The following PSMD10 variants were observed in gnomAD, a reference collection of about 807,000 sequenced individuals.
PSMD10 encodes the protein 26S proteasome non-ATPase regulatory subunit 10.
A neutral mutation model predicts 13.2 loss-of-function variants in PSMD10; 2 were observed. That is an observed-to-expected ratio of 0.15 (90% CI 0.06 to 0.48). The LOEUF is 0.48. Among genes scored for constraint, PSMD10 ranks in the 20% least tolerant of loss-of-function variants. PSMD10 has a pLI of 0.97. For synonymous variants in PSMD10, 66 were observed against 64.4 expected (o/e 1.03, Z -0.12); for missense variants, 120 against 167.4 (o/e 0.72, Z 1.56).
At chrX:108,088,275 A>T (rs897030572) in intron 2 of PSMD10, among the ~76,000 whole-genome samples, 176 bp from the exon 3 acceptor site, 2 of 112,294 alleles carry the variant, frequency 1.8e-5, no homozygotes, top group African/African-American at 6.5e-5. Context: ...CATTAGAATA[A>T]ATCTCTTTAT....
chrX:108,085,389 C>T (rs2031484416), intron 4 of PSMD10, among the ~76,000 whole-genome samples: 1 of 112,329 alleles, frequency 8.9e-6, no homozygotes, highest in African/African-American at 3.2e-5. Context: ...GCCTAAGGAA[C>T]AACTTTCTCA....
chrX:108,088,129 A>G lies in PSMD10; in HGVS notation c.214-30T>C, dbSNP rs1211866684. On this transcript the variant is annotated intron_variant, in intron 2 of 4. Transcript: ENST00000217958. ...AAAAGAAGTAGGTAGTAGAAATACC[A>G]GGGGAAAAAGGCACAAGGATTAGTG... 6.0e-6 allele frequency: 7 copies of G among 1,165,526 alleles called. No homozygotes were observed. In the African/African-American group the frequency reaches 1.3e-4, roughly 21 times the overall value.
chrX:108,088,699 G>A (rs2031527884), intron 2 of PSMD10, 53 bp downstream of exon 2: 2 of 991,645 alleles, frequency 2.0e-6, no homozygotes, highest in Non-Finnish European at 2.8e-6. Flanking sequence ...ACACCAGTCT[G>A]GAGTACAAAG....
At chrX:108,085,937 C>A (rs1333906504) in intron 4 of PSMD10, among the ~76,000 whole-genome samples, 1 of 111,868 alleles carries the variant, frequency 8.9e-6, no homozygotes, top group Non-Finnish European at 1.9e-5. Flanking sequence ...CGTCCCAGTA[C>A]TCTATCTTGT....
intron 3 of PSMD10, 21 bp from the exon 4 acceptor site, chrX:108,087,873 G>A: frequency 1.7e-6 from 2 of 1,211,713 alleles, no homozygotes; most frequent in Non-Finnish European, 1.1e-6. Context: ...GGAGAAGAAA[G>A]AAGAAAACAA....
At chrX:108,087,908 T>C (rs2147941946) in intron 3 of PSMD10, 45 bp downstream of exon 3, 2 of 1,211,878 alleles carry the variant, frequency 1.7e-6, no homozygotes, top group South Asian at 3.5e-5. Context: ...TGTGTTTGTA[T>C]ACACGTTTAG....
chrX:108,087,529 T>C (rs1446517111), intron 4 of PSMD10, 157 bp downstream of exon 4: 3 of 744,804 alleles, frequency 4.0e-6, no homozygotes, highest in Non-Finnish European at 3.7e-6. Context: ...GGCAAGATAA[T>C]AGGCAATTTT....
intron 4 of PSMD10, 77 bp downstream of exon 4, chrX:108,087,609 A>C (rs1231134660): frequency 5.3e-6 from 6 of 1,123,531 alleles, no homozygotes; most frequent in Non-Finnish European, 7.1e-6. Flanking sequence ...CAGAATAAAA[A>C]AAGAAATGAT....
At position 108,091,407 on chromosome X, in the gene PSMD10, C is replaced by G. The variant is rs2031614235; in HGVS notation, c.114G>C (p.Gln38His). The stretch of plus-strand genomic sequence containing the variant: ...GCGGAGAGACCTAGCGTTGCTTTAC[C>G]TGGTCAGTTCTAGTAGCCAGGGATT... ...ADKSLATRTDQDSRTALHWAC... is the reference protein window; with the variant it reads ...ADKSLATRTDHDSRTALHWAC... The change falls in exon 1 of 5, where the codon CAG becomes CAC. Residue 38 changes from glutamine (Q) to histidine (H), a missense_variant and splice_region_variant. This residue lies in a region of PSMD10 where 68 missense variants were observed against 124.8 expected (regional missense o/e 0.54). Transcript: ENST00000217958. The G allele has an allele frequency of 8.3e-7, 1 of 1,208,752 alleles. No homozygotes were observed. Among genetic ancestry groups the G allele is most frequent in the Non-Finnish European group, 1.1e-6 (1 of 893,041 alleles).
At chrX:108,088,151 A>T (rs753629353) in intron 2 of PSMD10, 52 bp from the exon 3 acceptor site, 1 of 1,116,192 alleles carries the variant, frequency 9.0e-7, no homozygotes, top group South Asian at 2.0e-5. Context: ...CACAAGGATT[A>T]GTGCTAACAT....
chrX:108,089,226 C>T (rs904300781), intron 1 of PSMD10, among the ~76,000 whole-genome samples: 2 of 111,947 alleles, frequency 1.8e-5, no homozygotes, highest in Non-Finnish European at 3.8e-5. Flanking sequence ...TCCTACCATT[C>T]TACACAGTGC....
rs992245202 is a variant in PSMD10 at position 108,084,851 on chromosome X, A to G, written c.*123T>C. 7.3e-6 allele frequency: 6 copies of G among 818,223 alleles called. No individual in the cohort carries two copies. Among genetic ancestry groups the G allele is most frequent in the African/African-American group, 6.4e-5 (3 of 47,085 alleles). The allele number at this position is 818,223 out of a possible 1,213,427, so 67.4% of individuals were successfully genotyped here. ...AGCAGGAACAAGAGTCAACATGTTT[A>G]TAAGACTTTGAAGGTGAGAAAACTT... On this transcript the variant is annotated 3_prime_UTR_variant, in exon 5 of 5. Coordinates refer to ENST00000217958, the MANE Select transcript of PSMD10 (RefSeq NM_002814.4).
Position 108,086,371 on chromosome X carries a change from T to C in PSMD10, c.528-1244A>G, listed in dbSNP as rs1490172670. On this transcript the variant is annotated intron_variant, in intron 4 of 4. Coordinates refer to ENST00000217958, the MANE Select transcript of PSMD10 (RefSeq NM_002814.4). ...AATAAAAGACGGGTGAATATTTAACTAATTTCAGGGTAAGGAAGAGCTTTC... is the reference window on the plus strand; with the variant it reads ...AATAAAAGACGGGTGAATATTTAACCAATTTCAGGGTAAGGAAGAGCTTTC... 2.7e-5 allele frequency among the ~76,000 whole-genome samples: 3 copies of C among 112,552 alleles called. No individual in the cohort carries two copies. In the East Asian group the frequency reaches 8.4e-4, roughly 31 times the overall value.
chrX:108,084,847 G>A lies in PSMD10; in HGVS notation c.*127C>T, dbSNP rs1395028432. 2 of 796,575 alleles carry A rather than the reference G, an allele frequency of 2.5e-6. No homozygotes were observed. The highest frequency in any genetic ancestry group is 3.4e-6 in the Non-Finnish European group (2 of 580,135). The allele number at this position is 796,575 out of a possible 1,213,427, so 65.6% of individuals were successfully genotyped here. The stretch of plus-strand genomic sequence containing the variant: ...ACTCAGCAGGAACAAGAGTCAACAT[G>A]TTTATAAGACTTTGAAGGTGAGAAA... On this transcript the variant is annotated 3_prime_UTR_variant, in exon 5 of 5. Transcript: ENST00000217958.
intron 4 of PSMD10, chrX:108,087,221 C>A (rs1450176733): frequency 8.9e-6 from 1 of 112,274 alleles, no homozygotes; most frequent in Non-Finnish European, 1.9e-5. Context: ...AGCCATTATG[C>A]CTGGCTCAAT....
rs1331563010 is a variant in PSMD10, at chrX:108,091,534, CA to C, written c.-15del. The C allele has an allele frequency of 2.2e-5, 26 of 1,200,293 alleles. No homozygotes were observed. Among genetic ancestry groups the C allele is most frequent in the Non-Finnish European group, 2.9e-5 (26 of 884,469 alleles). On this transcript the variant is annotated 5_prime_UTR_variant, in exon 1 of 5. Coordinates refer to ENST00000217958, the MANE Select transcript of PSMD10 (RefSeq NM_002814.4). ...ACACCCCTCCATTTCGCTGTCCCAG[CA>C]ACTACTTGTCGCGCGAGCAACGCCC...
chrX:108,090,520 TTGAG>T (rs2031576816), intron 1 of PSMD10, among the ~76,000 whole-genome samples: 2 of 111,915 alleles, frequency 1.8e-5, no homozygotes, highest in South Asian at 7.5e-4. Flanking sequence ...CATTTTCAGG[TTGAG>T]TAATAAAGGA....
chrX:108,090,353 T>C, intron 1 of PSMD10, among the ~76,000 whole-genome samples: 1 of 112,026 alleles, frequency 8.9e-6, no homozygotes, highest in East Asian at 2.8e-4. Context: ...CGTCTCTTGA[T>C]GCTGAATAGT....
Position 108,084,942 on chromosome X carries a change from C to A in PSMD10, c.*32G>T. The A allele has an allele frequency of 8.6e-7, 1 of 1,165,727 alleles. No individual in the cohort carries two copies. The highest frequency in any genetic ancestry group is 1.1e-6 in the Non-Finnish European group (1 of 872,291). ...TTGTAGGACACTGGGGACAACAACACAACATACAAAGTAAGAATAAATCCA... is the reference window on the plus strand; with the variant it reads ...TTGTAGGACACTGGGGACAACAACAAAACATACAAAGTAAGAATAAATCCA... On this transcript the variant is annotated 3_prime_UTR_variant, in exon 5 of 5. Coordinates refer to ENST00000217958, the MANE Select transcript of PSMD10 (RefSeq NM_002814.4).
Sources: allele counts gnomAD v4.1 joint callset (sites outside exome capture counted in the v4.1 genomes callset), GRCh38; gene constraint gnomAD v4.1.1; regional missense constraint gnomAD v4.1.1; transcripts MANE v1.5; gene names NCBI Gene and HGNC (gene_info 2026-07-23, HGNC 2026-07-21).